The following NUDT3 variants were observed in gnomAD, a reference collection of about 807,000 sequenced individuals.
NUDT3 encodes the protein nudix hydrolase 3.
NUDT3 carries 9 observed loss-of-function variants against 23.6 expected under a neutral mutation model. That is an observed-to-expected ratio of 0.38 (90% CI 0.23 to 0.66). The LOEUF is 0.66. Ranked by LOEUF, NUDT3 falls within the 30% of genes least tolerant of loss-of-function variation. The pLI is 0.52. For missense variants in NUDT3, 172 were observed against 218.5 expected, an observed-to-expected ratio of 0.79 and a Z score of 1.34; for synonymous variants, 86 against 82.6, an observed-to-expected ratio of 1.04 and a Z score of -0.22.
intron 1 of NUDT3, among the ~76,000 whole-genome samples, chr6:34,357,193 G>A (rs752468244): frequency 2.6e-5 from 4 of 152,196 alleles, no homozygotes; most frequent in Non-Finnish European, 4.4e-5. Context: ...AGGGGGAGGA[G>A]TGATTACGAA....
intron 2 of NUDT3, among the ~76,000 whole-genome samples, chr6:34,322,001 C>A (rs9380427): frequency 1.3e-5 from 2 of 152,018 alleles, no homozygotes; most frequent in Admixed American, 1.3e-4. Flanking sequence ...AGGCAGTGTG[C>A]CCAGAAAGCC....
intron 1 of NUDT3, among the ~76,000 whole-genome samples, chr6:34,351,213 A>AC (rs1764465798): frequency 7.6e-6 from 1 of 130,856 alleles, no homozygotes; most frequent in African/African-American, 2.9e-5. Context: ...AAAAAAAAAA[A>AC]AAAAAAAAAA....
intron 1 of NUDT3, among the ~76,000 whole-genome samples, chr6:34,385,672 G>A (rs1335496423): frequency 9.9e-5 from 15 of 151,400 alleles, no homozygotes; most frequent in Non-Finnish European, 2.2e-4. Flanking sequence ...GTCCATATAA[G>A]TGAGCAGTAA....
At chr6:34,289,005 T>C (rs1471258343) in intron 4 of NUDT3, 74 bp from the exon 5 acceptor site, 5 of 1,457,328 alleles carry the variant, frequency 3.4e-6, no homozygotes, top group African/African-American at 1.5e-5. Context: ...TGAGAAAATA[T>C]AGAAAACATT....
chr6:34,342,288 TCAAA>T (rs1764299544), intron 1 of NUDT3, among the ~76,000 whole-genome samples: 1 of 54,542 alleles, frequency 1.8e-5, no homozygotes, highest in East Asian at 5.1e-4. Context: ...ATAGAAGACT[TCAAA>T]AAAAAAAAAA....
At chr6:34,382,724 G>A (rs914535179) in intron 1 of NUDT3, among the ~76,000 whole-genome samples, 9 of 151,862 alleles carry the variant, frequency 5.9e-5, no homozygotes, top group Non-Finnish European at 1.2e-4. Flanking sequence ...TTAGCTACAC[G>A]GGAGGCTGAG....
intron 1 of NUDT3, among the ~76,000 whole-genome samples, chr6:34,351,015 C>T (rs945044960): frequency 6.0e-5 from 9 of 149,332 alleles, no homozygotes; most frequent in Admixed American, 1.3e-4. Context: ...AATCTCAACA[C>T]TTTGGGATGC....
chr6:34,339,752 T>C (rs926722123), intron 2 of NUDT3, among the ~76,000 whole-genome samples: 10 of 152,264 alleles, frequency 6.6e-5, no homozygotes, highest in Admixed American at 2.0e-4. Flanking sequence ...ATGGCCTGTA[T>C]AATAAATTTT....
At chr6:34,332,997 T>G (rs1158433688) in intron 2 of NUDT3, among the ~76,000 whole-genome samples, 1 of 151,814 alleles carries the variant, frequency 6.6e-6, no homozygotes, top group Non-Finnish European at 1.5e-5. Flanking sequence ...TACAAAGAGG[T>G]GCTTTTCTTT....
rs1733421969 is a variant in NUDT3 at position 34,280,425 on chromosome 6, G to A, written c.*8328C>T. On this transcript the variant is annotated 3_prime_UTR_variant, in exon 5 of 5. Transcript: ENST00000607016. ...AATCCTGGACAGCATTTGGATTGGG[G>A]GTAAGGGCAATTTTACTCCAGCTCC... 6.6e-6 allele frequency: 1 copy of A among 152,160 alleles called. No individual in the cohort carries two copies. The highest frequency in any genetic ancestry group is 1.5e-5 in the Non-Finnish European group (1 of 68,028). The allele number at this position is 152,160 out of a possible 1,614,324, so 9.4% of individuals were successfully genotyped here.
intron 1 of NUDT3, among the ~76,000 whole-genome samples, chr6:34,347,292 G>T (rs921766704): frequency 3.3e-5 from 5 of 152,314 alleles, no homozygotes; most frequent in African/African-American, 1.2e-4. Context: ...CATGAGCCAG[G>T]AACTGGAGAG....
chr6:34,372,205 T>C (rs206925), intron 1 of NUDT3, among the ~76,000 whole-genome samples: 50,900 of 151,834 alleles, frequency 0.34, 10,423 homozygotes, highest in African/African-American at 0.54. Context: ...AATAAACATA[T>C]GTGTGCATGT....
chr6:34,390,413 T>C (rs1765178960), intron 1 of NUDT3, among the ~76,000 whole-genome samples: 2 of 152,056 alleles, frequency 1.3e-5, no homozygotes, highest in Admixed American at 1.3e-4. Context: ...ATGTTGCTAA[T>C]GTCAGTGCAT....
intron 1 of NUDT3, among the ~76,000 whole-genome samples, chr6:34,382,817 C>T (rs1319278612): frequency 6.6e-6 from 1 of 151,368 alleles, no homozygotes; most frequent in Non-Finnish European, 1.5e-5. Context: ...GATGACAGAG[C>T]AAGACCCTGT....
At chr6:34,373,296 G>T (rs1764864953) in intron 1 of NUDT3, among the ~76,000 whole-genome samples, 1 of 151,248 alleles carries the variant, frequency 6.6e-6, no homozygotes, top group Admixed American at 6.6e-5. Context: ...AAAAAAAAGT[G>T]TATACAGAAT....
chr6:34,329,878 C>T (rs1222651005), intron 2 of NUDT3, among the ~76,000 whole-genome samples: 1 of 152,102 alleles, frequency 6.6e-6, no homozygotes, highest in Non-Finnish European at 1.5e-5. Flanking sequence ...CAATTCCCAC[C>T]CATGAGTGAT....
At chr6:34,376,171 C>T (rs1764919361) in intron 1 of NUDT3, among the ~76,000 whole-genome samples, 1 of 152,208 alleles carries the variant, frequency 6.6e-6, no homozygotes, top group Non-Finnish European at 1.5e-5. Flanking sequence ...AAACCAACCT[C>T]TCTTCTAAAT....
At chr6:34,290,039 C>T (rs761300908) in intron 4 of NUDT3, among the ~76,000 whole-genome samples, 5 of 152,128 alleles carry the variant, frequency 3.3e-5, no homozygotes, top group Non-Finnish European at 5.9e-5. Context: ...GCTGTGCAGC[C>T]TCAGGTAGCT....
At chr6:34,309,963 T>G (rs1763745990) in intron 2 of NUDT3, among the ~76,000 whole-genome samples, 1 of 152,148 alleles carries the variant, frequency 6.6e-6, no homozygotes, top group Non-Finnish European at 1.5e-5. Flanking sequence ...CTGGGTGCGG[T>G]GGTGCATGCC....
Sources: gnomAD v4.1 joint callset for allele counts (sites outside exome capture counted in the v4.1 genomes callset) on GRCh38, gnomAD v4.1.1 for gene constraint, MANE v1.5 for transcripts, NCBI Gene and HGNC (gene_info 2026-07-23, HGNC 2026-07-21) for gene names.